Variants in BLTP3B observed in about 807,000 individuals in gnomAD.
BLTP3B encodes the protein UHRF1 (ICBP90) binding protein 1-like.
At chr12:100,098,611 C>T in the BLTP3B span, 1 of 1,466,588 alleles carries the variant, frequency 6.8e-7, no homozygotes, top group Non-Finnish European at 9.1e-7. Context: ...TTAATATTTG[C>T]ACATTTCTGG....
chr12:100,086,154 T>C, the BLTP3B span: 2 of 571,540 alleles, frequency 3.5e-6, no homozygotes, highest in African/African-American at 3.9e-5. Flanking sequence ...AGGAGAAAAA[T>C]ACCAATCTCT....
chr12:100,093,540 A>T, the BLTP3B span, among the ~76,000 whole-genome samples: 7 of 152,144 alleles, frequency 4.6e-5, no homozygotes, highest in African/African-American at 1.7e-4. Flanking sequence ...TCAAATTGCC[A>T]CTCTATCTTG....
chr12:100,094,494 A>C, the BLTP3B span, among the ~76,000 whole-genome samples: 46 of 152,288 alleles, frequency 3.0e-4, no homozygotes, highest in East Asian at 8.7e-3. Flanking sequence ...TTTTTACATC[A>C]GTGTTTACCC....
the BLTP3B span, among the ~76,000 whole-genome samples, chr12:100,076,215 A>G: frequency 1.3e-5 from 2 of 152,014 alleles, no homozygotes; most frequent in African/African-American, 4.8e-5. Context: ...TAATATTCAC[A>G]AAGTTCAACC....
chr12:100,108,606 A>AT, the BLTP3B span: 2 of 1,413,182 alleles, frequency 1.4e-6, no homozygotes, highest in Non-Finnish European at 9.6e-7. Flanking sequence ...CTCCAGAGTC[A>AT]TTTTTTCAAA....
the BLTP3B span, among the ~76,000 whole-genome samples, chr12:100,096,168 T>C: frequency 0.016 from 2,471 of 152,122 alleles, 21 homozygotes; most frequent in Non-Finnish European, 0.021. Context: ...GGCAGGAGAA[T>C]TGCTTGGCCC....
At chr12:100,120,387 T>A in the BLTP3B span, among the ~76,000 whole-genome samples, 5 of 150,842 alleles carry the variant, frequency 3.3e-5, no homozygotes, top group Non-Finnish European at 7.4e-5. Flanking sequence ...AAGAAAAAAA[T>A]AAAAATAAAA....
the BLTP3B span, among the ~76,000 whole-genome samples, chr12:100,118,944 A>T: frequency 4.6e-5 from 7 of 152,200 alleles, no homozygotes; most frequent in Admixed American, 2.6e-4. Flanking sequence ...TTTACTAAAA[A>T]TACAAAAATT....
At chr12:100,095,588 A>G in the BLTP3B span, 2 of 1,518,492 alleles carry the variant, frequency 1.3e-6, no homozygotes, top group Non-Finnish European at 1.8e-6. Context: ...TCTCTTAAAG[A>G]AAATACCAAC....
At chr12:100,092,813 T>C in the BLTP3B span, 1 of 784,656 alleles carries the variant, frequency 1.3e-6, no homozygotes, top group South Asian at 5.8e-5. Flanking sequence ...CTTAACAGAA[T>C]AGTATTTATG....
chr12:100,098,267 G>A, the BLTP3B span: 4 of 1,399,794 alleles, frequency 2.9e-6, no homozygotes, highest in Non-Finnish European at 3.8e-6. Context: ...AAGTTAAAAG[G>A]CAACCATGAG....
chr12:100,042,093 G>T, the BLTP3B span, among the ~76,000 whole-genome samples: 4 of 152,144 alleles, frequency 2.6e-5, no homozygotes, highest in East Asian at 7.7e-4. Context: ...ATAAAACATC[G>T]TTGAAAGAAA....
chr12:100,086,384 A>C, the BLTP3B span: 3 of 966,604 alleles, frequency 3.1e-6, no homozygotes, highest in Non-Finnish European at 4.2e-6. Flanking sequence ...GGGGGGGGGG[A>C]AATATTAAGT....
At chr12:100,136,164 T>C in the BLTP3B span, among the ~76,000 whole-genome samples, 1 of 151,298 alleles carries the variant, frequency 6.6e-6, no homozygotes, top group African/African-American at 2.4e-5. Context: ...TGAGCTGAGA[T>C]TGCTCCATTG....
At chr12:100,052,133 T>C in the BLTP3B span, among the ~76,000 whole-genome samples, 843 of 151,820 alleles carry the variant, frequency 5.6e-3, 4 homozygotes, top group Middle Eastern at 0.01. Flanking sequence ...GGTGCGATCT[T>C]AGCTCACTGC....
chr12:100,063,496 C>T, the BLTP3B span, among the ~76,000 whole-genome samples: 3 of 152,072 alleles, frequency 2.0e-5, no homozygotes, highest in East Asian at 1.9e-4. Flanking sequence ...CACCTGAGGT[C>T]GGGAGTTCAA....
the BLTP3B span, chr12:100,097,567 A>T: frequency 6.7e-7 from 1 of 1,491,896 alleles, no homozygotes; most frequent in Non-Finnish European, 9.0e-7. Context: ...AAAAATGTAG[A>T]TTTTTAAAAA....
At chr12:100,059,865 A>G in the BLTP3B span, 15 of 1,610,900 alleles carry the variant, frequency 9.3e-6, no homozygotes, top group South Asian at 1.3e-4. Context: ...GCATTAAGCC[A>G]TCAACTCGAA....
chr12:100,062,715 G>A, the BLTP3B span, among the ~76,000 whole-genome samples: 16 of 152,070 alleles, frequency 1.1e-4, no homozygotes, highest in African/African-American at 1.9e-4. Context: ...TAATCCCAGC[G>A]CTTTGGGAGG....
Sources: gnomAD v4.1 joint callset for allele counts (sites outside exome capture counted in the v4.1 genomes callset) on GRCh38, gnomAD v4.1.1 for gene constraint, MANE v1.5 for transcripts, NCBI Gene and HGNC (gene_info 2026-07-23, HGNC 2026-07-21) for gene names.